The following CAMTA1 variants were observed in gnomAD, a reference collection of about 807,000 sequenced individuals.
CAMTA1 encodes calmodulin-binding transcription activator 1.
CAMTA1 carries 27 observed loss-of-function variants against 170.9 expected under a neutral mutation model. The observed-to-expected ratio is 0.16, with a 90% CI of 0.12 to 0.22. The LOEUF (loss-of-function observed/expected upper bound fraction) is 0.22, where lower values mean the gene tolerates loss of function less well. Ranked by LOEUF, CAMTA1 falls within the 10% of genes least tolerant of loss-of-function variation. CAMTA1 has a pLI of 1.00. For missense variants in CAMTA1, 1,619 were observed against 2,217.2 expected, an observed-to-expected ratio of 0.73 and a Z score of 5.42; for synonymous variants, 833 against 891.5, an observed-to-expected ratio of 0.93 and a Z score of 1.17.
At chr1:6,912,207 C>T (rs1038920262) in intron 3 of CAMTA1, among the ~76,000 whole-genome samples, 4 of 152,176 alleles carry the variant, frequency 2.6e-5, no homozygotes, top group Admixed American at 2.0e-4. Context: ...TTCATAGGAG[C>T]CTCCCCAGGA....
chr1:7,242,254 G>A (rs1205290952), intron 4 of CAMTA1, among the ~76,000 whole-genome samples: 1 of 152,192 alleles, frequency 6.6e-6, no homozygotes, highest in East Asian at 1.9e-4. Context: ...TCACTAGGAT[G>A]CCTATAATCC....
In CAMTA1 at chr1:7,663,699, G is replaced by A; in HGVS notation, c.1152G>A (p.Met384Ile). 6.2e-7 allele frequency: 1 copy of A among 1,614,112 alleles called. No individual in the cohort carries two copies. The highest frequency in any genetic ancestry group is 1.1e-5 in the South Asian group (1 of 91,076). ...CGGTGGTCACAGGTGTGTCCGGTAT[G>A]GCGGTGGCCTCTGTGATGGGGAGCT... is the stretch of plus-strand genomic sequence containing the variant. Reference protein sequence around the residue: ...DSPVVTGVSGMAVASVMGSLS... With the variant: ...DSPVVTGVSGIAVASVMGSLS... The change falls in exon 9 of 23, where the codon ATG (methionine) becomes ATA (isoleucine). Residue 384 changes from methionine (M) to isoleucine (I), a missense_variant. By Grantham distance (10) the Met-to-Ile change is conservative. Around this residue, in one of 8 missense-constraint regions of CAMTA1, gnomAD observed 731 missense variants for 907.6 expected, o/e 0.81. Coordinates refer to ENST00000303635, the MANE Select transcript of CAMTA1 (RefSeq NM_015215.4).
intron 6 of CAMTA1, among the ~76,000 whole-genome samples, chr1:7,594,388 CAG>C (rs759470637): frequency 5.3e-5 from 8 of 152,174 alleles, no homozygotes; most frequent in Admixed American, 6.5e-5. Context: ...AGAAAGGAAA[CAG>C]GGGCAGAGCT....
At chr1:7,268,750 T>A (rs532263328) in intron 5 of CAMTA1, among the ~76,000 whole-genome samples, 1 of 152,346 alleles carries the variant, frequency 6.6e-6, no homozygotes, top group Non-Finnish European at 1.5e-5. Flanking sequence ...TCATTCACAA[T>A]GCCCTGCATT....
intron 4 of CAMTA1, among the ~76,000 whole-genome samples, chr1:7,244,640 G>A (rs967229459): frequency 7.9e-5 from 12 of 151,372 alleles, no homozygotes; most frequent in African/African-American, 2.7e-4. Context: ...CTATCGCAAG[G>A]ACAAAAAACC....
intron 16 of CAMTA1, among the ~76,000 whole-genome samples, chr1:7,741,785 C>T (rs545158344): frequency 6.6e-6 from 1 of 151,826 alleles, no homozygotes; most frequent in Non-Finnish European, 1.5e-5. Flanking sequence ...ATCCCAGCTA[C>T]TCGGGAGGCT....
intron 5 of CAMTA1, among the ~76,000 whole-genome samples, chr1:7,373,483 C>T (rs763783612): frequency 1.7e-4 from 26 of 152,148 alleles, no homozygotes; most frequent in Non-Finnish European, 3.4e-4. Context: ...CTCCCCTACT[C>T]GGGGGAAGCC....
In CAMTA1 at chr1:6,876,647, G is replaced by T. The variant is rs765903381; in HGVS notation, c.234+51437G>T. On this transcript the variant is annotated intron_variant, in intron 3 of 22. Transcript: ENST00000303635. Reference sequence around the variant, plus strand: ...TAGAGTGCTGGGATTACCGTGGTGAGCTGCTGCGCCTGGCCAAATGAACAT... The same window carrying T: ...TAGAGTGCTGGGATTACCGTGGTGATCTGCTGCGCCTGGCCAAATGAACAT... Among the ~76,000 whole-genome samples the T allele has an allele frequency of 1.0e-3, 152 of 152,316 alleles. 2 individuals are homozygous for T. Among genetic ancestry groups the T allele is most frequent in the Middle Eastern group, 3.4e-3 (1 of 294 alleles).
At chr1:6,901,827 C>T (rs549785540) in intron 3 of CAMTA1, among the ~76,000 whole-genome samples, 113 of 152,210 alleles carry the variant, frequency 7.4e-4, no homozygotes, top group African/African-American at 2.6e-3. Context: ...AGGTGGATCA[C>T]TTGAAGTCAG....
intron 11 of CAMTA1, among the ~76,000 whole-genome samples, chr1:7,707,302 CTGAG>C (rs1418031766): frequency 1.3e-5 from 2 of 152,158 alleles, no homozygotes; most frequent in African/African-American, 2.4e-5. Flanking sequence ...ACAAGTGGAA[CTGAG>C]TATTATTTAC....
intron 3 of CAMTA1, among the ~76,000 whole-genome samples, chr1:6,930,214 C>G (rs1294190871): frequency 6.6e-6 from 1 of 152,178 alleles, no homozygotes; most frequent in African/African-American, 2.4e-5. Flanking sequence ...CTCCTCGATC[C>G]TTGGTAATCA....
intron 3 of CAMTA1, among the ~76,000 whole-genome samples, chr1:7,054,972 G>C (rs1707070886): frequency 1.3e-5 from 2 of 152,130 alleles, no homozygotes; most frequent in Non-Finnish European, 2.9e-5. Context: ...GTCTTCCGTG[G>C]CTGGGGCAGG....
At chr1:7,100,434 T>C (rs1452831281) in intron 4 of CAMTA1, among the ~76,000 whole-genome samples, 1 of 152,220 alleles carries the variant, frequency 6.6e-6, no homozygotes, top group East Asian at 1.9e-4. Context: ...CTCCCCTTGT[T>C]TTCTCATTCT....
chr1:6,844,032 G>A (rs1036500960), intron 3 of CAMTA1, among the ~76,000 whole-genome samples: 28 of 152,132 alleles, frequency 1.8e-4, no homozygotes, highest in Admixed American at 5.9e-4. Context: ...TACTCCTTAT[G>A]TATATTCTTG....
intron 3 of CAMTA1, among the ~76,000 whole-genome samples, chr1:6,962,075 C>T (rs940417064): frequency 2.0e-5 from 3 of 152,148 alleles, no homozygotes; most frequent in African/African-American, 7.2e-5. Flanking sequence ...GTCCGTGGCG[C>T]GCAAGAGCCT....
At chr1:7,172,632 G>GATGA (rs1649895785) in intron 4 of CAMTA1, among the ~76,000 whole-genome samples, 6 of 152,056 alleles carry the variant, frequency 3.9e-5, no homozygotes, top group Non-Finnish European at 7.4e-5. Flanking sequence ...TGCCCAGCCT[G>GATGA]GGGATGCTCT....
At chr1:7,695,158 C>A (rs2096361951) in intron 11 of CAMTA1, among the ~76,000 whole-genome samples, 1 of 152,104 alleles carries the variant, frequency 6.6e-6, no homozygotes, top group Non-Finnish European at 1.5e-5. Flanking sequence ...TGGAGCCAGC[C>A]CAGAAATGCT....
At chr1:7,437,773 G>A (rs927600289) in intron 5 of CAMTA1, among the ~76,000 whole-genome samples, 2 of 152,184 alleles carry the variant, frequency 1.3e-5, no homozygotes, top group African/African-American at 4.8e-5. Context: ...CTGGCCCTGT[G>A]GGGTAAGTCC....
chr1:7,029,613 TC>T (rs1232758309), intron 3 of CAMTA1, among the ~76,000 whole-genome samples: 1 of 151,986 alleles, frequency 6.6e-6, no homozygotes, highest in Non-Finnish European at 1.5e-5. Context: ...TCTCTCTCTC[TC>T]TTTTTTGCAT....
Sources: allele counts gnomAD v4.1 joint callset (sites outside exome capture counted in the v4.1 genomes callset), GRCh38; gene constraint gnomAD v4.1.1; regional missense constraint gnomAD v4.1.1; transcripts MANE v1.5; gene names NCBI Gene and HGNC (gene_info 2026-07-23, HGNC 2026-07-21).